TES: variants seen among roughly 807,000 people sequenced by gnomAD.
TES encodes the protein testin.
In TES, 41 loss-of-function variants were observed where a neutral mutation model predicts 48.2. The ratio of observed to expected loss-of-function variants is 0.85; its 90% CI spans 0.66 to 1.10. The LOEUF is 1.10. Ranked by LOEUF, TES falls within the 50% of genes least tolerant of loss-of-function variation. TES has a pLI of 0.00. For synonymous variants in TES, 162 were observed against 174.9 expected, an observed-to-expected ratio of 0.93 and a Z score of 0.58; for missense variants, 463 against 515.1, an observed-to-expected ratio of 0.90 and a Z score of 0.98.
chr7:116,219,132 A>G (rs756823494), intron 1 of TES, among the ~76,000 whole-genome samples: 8 of 152,146 alleles, frequency 5.3e-5, no homozygotes, highest in Non-Finnish European at 7.4e-5. Context: ...TATCAAGGAA[A>G]CACCTCCTAT....
intron 2 of TES, among the ~76,000 whole-genome samples, chr7:116,241,722 G>A (rs1349578897): frequency 6.6e-6 from 1 of 152,044 alleles, no homozygotes. Context: ...AGCGTTATTG[G>A]TATGTTGTTT....
intron 2 of TES, among the ~76,000 whole-genome samples, chr7:116,247,027 A>G (rs921492136): frequency 6.8e-6 from 1 of 146,546 alleles, no homozygotes; most frequent in African/African-American, 2.5e-5. Flanking sequence ...TGTATGTTGC[A>G]TGAATGAATG....
chr7:116,228,208 T>TCC (rs1205125779), intron 1 of TES, among the ~76,000 whole-genome samples: 2 of 152,096 alleles, frequency 1.3e-5, no homozygotes, highest in Non-Finnish European at 2.9e-5. Context: ...GAATGTAAAT[T>TCC]CAGTTTATGG....
intron 2 of TES, among the ~76,000 whole-genome samples, chr7:116,240,391 A>C (rs985983804): frequency 6.6e-6 from 1 of 152,004 alleles, no homozygotes; most frequent in Non-Finnish European, 1.5e-5. Flanking sequence ...AAATATGTTT[A>C]TTTGTCTGAG....
At position 116,250,448 on chromosome 7, in the gene TES, A is replaced by C; in HGVS notation, c.654A>C (p.Ala218=). 6.3e-7 allele frequency: 1 copy of C among 1,593,044 alleles called. No homozygotes were observed. Among genetic ancestry groups the C allele is most frequent in the South Asian group, 1.2e-5 (1 of 86,656 alleles). ...IPGGDRSTPA[A]VGAMEDKSAE... Reference sequence around the variant, plus strand: ...GAGGGGATAGAAGCACCCCAGCAGCAGTGGGGGCCATGGAGGACAAATCTG... The same window carrying C: ...GAGGGGATAGAAGCACCCCAGCAGCCGTGGGGGCCATGGAGGACAAATCTG... The change falls in exon 4 of 7, where the codon GCA becomes GCC. Residue 218 remains alanine, a synonymous_variant. Transcript: ENST00000358204.
intron 1 of TES, among the ~76,000 whole-genome samples, chr7:116,226,074 T>C (rs1799617141): frequency 6.6e-6 from 1 of 152,204 alleles, no homozygotes; most frequent in South Asian, 2.1e-4. Context: ...CTGCTTTTAT[T>C]ATCACCACCC....
intron 5 of TES, 143 bp from the exon 6 acceptor site, chr7:116,252,175 T>C (rs929610684): frequency 1.4e-5 from 14 of 1,033,036 alleles, no homozygotes; most frequent in Non-Finnish European, 1.9e-5. Context: ...ATATAAAAGA[T>C]TGATTTAGAC....
chr7:116,210,568 AC>A lies in TES; in HGVS notation c.-139del. ...CGGCGGACTGGGCGGCGGAAGTTCG[AC>A]GGCGCCGGGCGAGTGGCTGTTGAGC... is the stretch of plus-strand genomic sequence containing the variant. On this transcript the variant is annotated 5_prime_UTR_variant, in exon 1 of 7. Transcript: ENST00000358204. The A allele has an allele frequency of 1.0e-6, 1 of 973,448 alleles. No individual in the cohort carries two copies. Among genetic ancestry groups the A allele is most frequent in the Non-Finnish European group, 1.4e-6 (1 of 740,406 alleles). The allele number at this position is 973,448 out of a possible 1,614,324, so 60.3% of individuals were successfully genotyped here.
chr7:116,258,418 C>A lies in TES; in HGVS notation c.*936C>A, dbSNP rs1220472627. 2.6e-5 allele frequency: 4 copies of A among 152,540 alleles called. No homozygotes were observed. Among genetic ancestry groups the A allele is most frequent in the African/African-American group, 9.7e-5 (4 of 41,430 alleles). 9.4% of individuals were successfully genotyped at this position (152,540 alleles called of 1,614,324 possible). ...GGAGCCACCATGCCTGACCCACACA[C>A]TTTTTACTTGTATAGATGATTTTTG... is the stretch of plus-strand genomic sequence containing the variant. On this transcript the variant is annotated 3_prime_UTR_variant, in exon 7 of 7. Transcript: ENST00000358204.
intron 6 of TES, among the ~76,000 whole-genome samples, chr7:116,257,019 C>G (rs926601459): frequency 2.0e-5 from 3 of 152,148 alleles, no homozygotes; most frequent in African/African-American, 7.2e-5. Context: ...TTGGAACTTC[C>G]CATCAAGACT....
In TES at chr7:116,211,974, G is replaced by A. The variant is rs1799444001; in HGVS notation, c.27+1240G>A. On this transcript the variant is annotated intron_variant, in intron 1 of 6. Transcript: ENST00000358204. Reference sequence around the variant, plus strand: ...AACAGAAAAACATAAATTGTTAATGGTAGCGTGATTGCATTCTATTCTCTT... The same window carrying A: ...AACAGAAAAACATAAATTGTTAATGATAGCGTGATTGCATTCTATTCTCTT... Among the ~76,000 whole-genome samples the A allele has an allele frequency of 2.0e-5, 3 of 152,278 alleles. No homozygotes were observed. The South Asian group carries it at 6.2e-4, about 32-fold the overall frequency.
intron 1 of TES, among the ~76,000 whole-genome samples, chr7:116,216,331 G>T (rs1799493453): frequency 6.6e-6 from 1 of 152,062 alleles, no homozygotes. Context: ...CTTCCATAGT[G>T]TATCCGTTTT....
rs1455085117 is a variant in TES, at chr7:116,257,794, T to A, written c.*312T>A. 3 of 185,546 alleles carry A rather than the reference T, an allele frequency of 1.6e-5. No homozygotes were observed. Among genetic ancestry groups the A allele is most frequent in the Non-Finnish European group, 3.3e-5 (3 of 89,750 alleles). 11.5% of individuals were successfully genotyped at this position (185,546 alleles called of 1,614,324 possible). ...TCTCTATTCCATTTGTGCCACACAC[T>A]TAAAAGTTAGTGTACTGAATGGAAA... On this transcript the variant is annotated 3_prime_UTR_variant, in exon 7 of 7. Coordinates refer to ENST00000358204, the MANE Select transcript of TES (RefSeq NM_015641.4).
chr7:116,215,252 T>TC (rs1799481216), intron 1 of TES, among the ~76,000 whole-genome samples: 1 of 152,182 alleles, frequency 6.6e-6, no homozygotes, highest in African/African-American at 2.4e-5. Context: ...CTTATATTCT[T>TC]CATCTTGCTC....
intron 1 of TES, chr7:116,211,012 G>A: frequency 3.3e-6 from 1 of 306,270 alleles, no homozygotes; most frequent in Non-Finnish European, 6.0e-6. Flanking sequence ...CCCAGTGGTT[G>A]TAGGTGTTGG....
intron 2 of TES, among the ~76,000 whole-genome samples, chr7:116,242,347 TA>T (rs1346752033): frequency 2.0e-5 from 3 of 152,204 alleles, no homozygotes; most frequent in South Asian, 4.1e-4. Flanking sequence ...TGTAGTAGGA[TA>T]ACTTGCTGCT....
chr7:116,254,486 A>G (rs1800064856), intron 6 of TES, among the ~76,000 whole-genome samples: 1 of 152,126 alleles, frequency 6.6e-6, no homozygotes. Flanking sequence ...CTGTAATCCC[A>G]GCACTTTGGG....
At chr7:116,248,369 C>G (rs915234152) in intron 2 of TES, among the ~76,000 whole-genome samples, 3 of 152,170 alleles carry the variant, frequency 2.0e-5, no homozygotes, top group Non-Finnish European at 4.4e-5. Context: ...TGAGAAATCT[C>G]CAAACTGCTT....
chr7:116,251,542 G>C (rs1800008168), intron 4 of TES: 3 of 490,278 alleles, frequency 6.1e-6, no homozygotes, highest in African/African-American at 2.0e-5. Flanking sequence ...AATTAGCCGG[G>C]CGTGGTGGCA....
Sources: gnomAD v4.1 joint callset for allele counts (sites outside exome capture counted in the v4.1 genomes callset) on GRCh38, gnomAD v4.1.1 for gene constraint, MANE v1.5 for transcripts, NCBI Gene and HGNC (gene_info 2026-07-23, HGNC 2026-07-21) for gene names.